RBMS1: variants seen among roughly 807,000 people sequenced by gnomAD.
RBMS1 encodes the protein RNA-binding motif, single-stranded-interacting protein 1.
Under a neutral mutation model 62.3 loss-of-function variants are expected in RBMS1, and 17 were observed. The observed-to-expected ratio is 0.27, with a 90% CI of 0.19 to 0.41. The LOEUF is 0.41. Ranked by LOEUF, RBMS1 falls within the 10% of genes least tolerant of loss-of-function variation. The pLI, the probability that RBMS1 is intolerant of heterozygous loss-of-function variation, is 1.00. For missense variants in RBMS1, 334 were observed against 504.5 expected (o/e 0.66, Z 3.24); for synonymous variants, 172 against 170.0 (o/e 1.01, Z -0.09).
At chr2:160,407,912 G>T in intron 1 of RBMS1, 1 of 980,594 alleles carries the variant, frequency 1.0e-6, no homozygotes, top group Non-Finnish European at 1.2e-6. Flanking sequence ...CTGAGAGCGC[G>T]CCGGCCGGGG....
chr2:160,288,207 C>T (rs1033952146), intron 6 of RBMS1, among the ~76,000 whole-genome samples: 8 of 152,102 alleles, frequency 5.3e-5, no homozygotes, highest in African/African-American at 1.9e-4. Flanking sequence ...GTCTGGTTCC[C>T]ACATTCTGTC....
rs116695925 is a variant in RBMS1, at chr2:160,485,507, C to G, written c.75+7782G>C. ...AGTGGGTTACTTTTACAGACTCTTACAGGTTCGCTGGGGACCATATCATTA... is the reference window on the plus strand; with the variant it reads ...AGTGGGTTACTTTTACAGACTCTTAGAGGTTCGCTGGGGACCATATCATTA... On this transcript the variant is annotated intron_variant, in intron 1 of 13. Coordinates refer to ENST00000348849, the MANE Select transcript of RBMS1 (RefSeq NM_016836.4). 2.2e-3 allele frequency among the ~76,000 whole-genome samples: 334 copies of G among 152,278 alleles called. 2 individuals carry two copies. Among genetic ancestry groups the G allele is most frequent in the Non-Finnish European group, 3.7e-3 (255 of 68,024 alleles).
intron 1 of RBMS1, chr2:160,401,995 A>G (rs1695447335): frequency 6.6e-6 from 1 of 152,140 alleles, no homozygotes; most frequent in Admixed American, 6.5e-5. Context: ...CTCATTCTAA[A>G]CACAGTCCAT....
At chr2:160,331,249 C>A (rs571024767) in intron 2 of RBMS1, among the ~76,000 whole-genome samples, 1 of 152,290 alleles carries the variant, frequency 6.6e-6, no homozygotes, top group South Asian at 2.1e-4. Flanking sequence ...GCCTGTATAT[C>A]GCTATACAGG....
At chr2:160,435,750 G>A (rs1175209877) in intron 1 of RBMS1, among the ~76,000 whole-genome samples, 22 of 152,166 alleles carry the variant, frequency 1.4e-4, no homozygotes, top group Admixed American at 1.4e-3. Flanking sequence ...ATAGAATGAT[G>A]GAAAATCTTG....
intron 3 of RBMS1, among the ~76,000 whole-genome samples, chr2:160,317,347 C>T (rs1247137976): frequency 1.3e-5 from 2 of 152,216 alleles, no homozygotes; most frequent in Non-Finnish European, 2.9e-5. Flanking sequence ...TTTGCCTTCT[C>T]TGCCTATTCC....
At chr2:160,449,107 C>T (rs1273682055) in intron 1 of RBMS1, among the ~76,000 whole-genome samples, 8 of 151,794 alleles carry the variant, frequency 5.3e-5, no homozygotes, top group African/African-American at 1.9e-4. Flanking sequence ...GCAGCCGCCC[C>T]GTCTGGGAAG....
chr2:160,476,806 G>A (rs968219350), intron 1 of RBMS1, among the ~76,000 whole-genome samples: 3 of 151,896 alleles, frequency 2.0e-5, no homozygotes, highest in East Asian at 1.9e-4. Context: ...CGCCCGCCTC[G>A]GCCTCCCAAA....
At chr2:160,438,128 G>A (rs1266755071) in intron 1 of RBMS1, among the ~76,000 whole-genome samples, 3 of 152,138 alleles carry the variant, frequency 2.0e-5, no homozygotes, top group African/African-American at 4.8e-5. Flanking sequence ...TTTCTTTTCA[G>A]TAGCACTGAA....
At chr2:160,287,737 T>C (rs1372816977) in intron 6 of RBMS1, among the ~76,000 whole-genome samples, 3 of 152,226 alleles carry the variant, frequency 2.0e-5, no homozygotes, top group African/African-American at 7.2e-5. Context: ...AGTGAATGAA[T>C]AGAAATAGGT....
At chr2:160,477,702 A>G (rs1307932929) in intron 1 of RBMS1, among the ~76,000 whole-genome samples, 2 of 152,224 alleles carry the variant, frequency 1.3e-5, no homozygotes, top group Non-Finnish European at 2.9e-5. Context: ...ACTTGTATCA[A>G]CAAGAAAATT....
At chr2:160,330,384 G>A (rs1691195703) in intron 2 of RBMS1, among the ~76,000 whole-genome samples, 1 of 152,150 alleles carries the variant, frequency 6.6e-6, no homozygotes, top group Non-Finnish European at 1.5e-5. Flanking sequence ...CATAAATCAG[G>A]TCATTGGTGG....
intron 1 of RBMS1, among the ~76,000 whole-genome samples, chr2:160,481,774 C>T (rs1249612574): frequency 1.3e-5 from 2 of 152,142 alleles, no homozygotes; most frequent in Non-Finnish European, 2.9e-5. Flanking sequence ...CATCACTAAT[C>T]ATCAGGAAAA....
chr2:160,428,525 A>G (rs1386245569), intron 1 of RBMS1, among the ~76,000 whole-genome samples: 2 of 152,124 alleles, frequency 1.3e-5, no homozygotes, highest in East Asian at 3.9e-4. Flanking sequence ...GAAGAAGAAA[A>G]AAACTCTATG....
At chr2:160,481,147 A>G (rs934904070) in intron 1 of RBMS1, among the ~76,000 whole-genome samples, 1 of 151,914 alleles carries the variant, frequency 6.6e-6, no homozygotes, top group Non-Finnish European at 1.5e-5. Flanking sequence ...CTAGTTTACA[A>G]CAAAGGCAAC....
chr2:160,286,258 C>T (rs1688384024), intron 7 of RBMS1, among the ~76,000 whole-genome samples: 2 of 145,708 alleles, frequency 1.4e-5, no homozygotes, highest in South Asian at 4.3e-4. Flanking sequence ...TATAACCACA[C>T]CACTGGACTC....
chr2:160,351,301 A>C (rs887325477), intron 2 of RBMS1, among the ~76,000 whole-genome samples: 1 of 152,048 alleles, frequency 6.6e-6, no homozygotes, highest in Non-Finnish European at 1.5e-5. Context: ...CATTGTGTAC[A>C]TGTACCCTAG....
chr2:160,435,839 C>T (rs1304032499), intron 1 of RBMS1, among the ~76,000 whole-genome samples: 3 of 152,128 alleles, frequency 2.0e-5, no homozygotes, highest in Non-Finnish European at 4.4e-5. Flanking sequence ...TTATAGTATC[C>T]TAATGACTTA....
In RBMS1 at chr2:160,384,092, G is replaced by T. The variant is rs1694440013; in HGVS notation, c.76-16701C>A. On this transcript the variant is annotated intron_variant, in intron 1 of 13. Transcript: ENST00000348849. Reference sequence around the variant, plus strand: ...GGTGCCTGTAGTCCCAGCTACTAGGGAGGCTGAGGCAGGAGAATGGTGTGA... The same window carrying T: ...GGTGCCTGTAGTCCCAGCTACTAGGTAGGCTGAGGCAGGAGAATGGTGTGA... Among the ~76,000 whole-genome samples, 2 of 152,204 alleles carry T rather than the reference G, an allele frequency of 1.3e-5. 1 individual carries two copies. Among genetic ancestry groups the T allele is most frequent in the Non-Finnish European group, 2.9e-5 (2 of 68,048 alleles).
Sources: allele counts gnomAD v4.1 joint callset (sites outside exome capture counted in the v4.1 genomes callset), GRCh38; gene constraint gnomAD v4.1.1; transcripts MANE v1.5; gene names NCBI Gene and HGNC (gene_info 2026-07-23, HGNC 2026-07-21).